Variants in ENDOV observed in about 807,000 individuals in gnomAD.
ENDOV encodes the protein endonuclease V.
A neutral mutation model predicts 39.4 loss-of-function variants in ENDOV; 37 were observed. That is an observed-to-expected ratio of 0.94 (90% confidence interval 0.72 to 1.23). The LOEUF is 1.23. ENDOV is among the 50% of genes most tolerant of loss of function. The pLI is 0.00. For synonymous variants in ENDOV, 186 were observed against 163.4 expected, an observed-to-expected ratio of 1.14 and a Z score of -1.05; for missense variants, 441 against 375.7, an observed-to-expected ratio of 1.17 and a Z score of -1.44.
Position 80,433,017 on chromosome 17 carries a change from C to A in ENDOV, c.839-3116C>A, listed in dbSNP as rs8069510. On this transcript the variant is annotated intron_variant, in intron 9 of 9. Coordinates refer to ENST00000518137, the MANE Select transcript of ENDOV (RefSeq NM_173627.5). ...AGTAGGACCCTTGGGAGGCTCAGCA[C>A]CCCCTGCCCCAAACAAATGCCTCTC... 4,249 of 453,194 alleles carry A rather than the reference C, an allele frequency of 9.4e-3. 160 individuals are homozygous for A. The highest frequency in any genetic ancestry group is 0.078 in the African/African-American group (3,936 of 50,500). 28.1% of individuals were successfully genotyped at this position (453,194 alleles called of 1,614,324 possible).
intron 8 of ENDOV, 92 bp from the exon 9 acceptor site, chr17:80,429,681 C>G (rs1349050328): frequency 1.6e-6 from 2 of 1,275,120 alleles, no homozygotes; most frequent in East Asian, 2.3e-5. Context: ...GTGTCCAGGC[C>G]AAGCGCAGTT....
At chr17:80,418,823 T>G (rs762602960) in intron 2 of ENDOV, 5 of 152,150 alleles carry the variant, frequency 3.3e-5, no homozygotes, top group Admixed American at 6.5e-5. Context: ...TCGCATTATA[T>G]GTTTTAAACA....
At position 80,415,299 on chromosome 17, in the gene ENDOV, C is replaced by A. The variant is rs771344811; in HGVS notation, c.56+49C>A. 87 of 1,599,366 alleles carry A rather than the reference C, an allele frequency of 5.4e-5. No homozygotes were observed. The African/African-American group carries it at 1.1e-3, about 20-fold the overall frequency. ...GGAGGCGGGGGCCGAGGCCGGGCGGCCCTTCGCGGACCCTCCGAGCTCATA... is the reference window on the plus strand; with the variant it reads ...GGAGGCGGGGGCCGAGGCCGGGCGGACCTTCGCGGACCCTCCGAGCTCATA... On this transcript the variant is annotated intron_variant, in intron 1 of 9. Transcript: ENST00000518137.
chr17:80,435,660 G>C (rs893883278), intron 9 of ENDOV, among the ~76,000 whole-genome samples: 11 of 152,094 alleles, frequency 7.2e-5, no homozygotes, highest in Admixed American at 3.3e-4. Context: ...TGTCGCCCAG[G>C]CTGGTGTGCG....
At chr17:80,425,829 A>C (rs1339760509) in intron 7 of ENDOV, among the ~76,000 whole-genome samples, 3 of 152,082 alleles carry the variant, frequency 2.0e-5, no homozygotes, top group Non-Finnish European at 4.4e-5. Context: ...CAGGGCTCCC[A>C]AGAGTTCATC....
chr17:80,422,374 TTCTC>T, intron 4 of ENDOV, 129 bp downstream of exon 4: 1 of 1,135,574 alleles, frequency 8.8e-7, no homozygotes, highest in Non-Finnish European at 1.3e-6. Context: ...AATGGCTTCT[TTCTC>T]GGCGCAACGG....
chr17:80,424,594 C>G (rs1473163626), intron 5 of ENDOV, among the ~76,000 whole-genome samples: 1 of 152,102 alleles, frequency 6.6e-6, no homozygotes, highest in Non-Finnish European at 1.5e-5. Context: ...GTGGCTTTGC[C>G]TGGGCTGTGG....
intron 9 of ENDOV, chr17:80,433,266 G>C (rs1262908590): frequency 1.9e-6 from 1 of 517,724 alleles, no homozygotes; most frequent in South Asian, 1.4e-5. Context: ...TGTGGTGGGG[G>C]ATATTCCACC....
chr17:80,425,334 G>T, intron 6 of ENDOV, 158 bp from the exon 7 acceptor site: 1 of 1,137,404 alleles, frequency 8.8e-7, no homozygotes, highest in Non-Finnish European at 1.2e-6. Flanking sequence ...GCAGGAAGGC[G>T]CCCTGAGGGT....
chr17:80,427,657 C>A, intron 7 of ENDOV: 1 of 1,239,848 alleles, frequency 8.1e-7, no homozygotes. Context: ...AGCTCACTCA[C>A]CTCTCAACAG....
Position 80,425,620 on chromosome 17 carries a change from G to C in ENDOV, c.714G>C (p.Gln238His). ...CRFRIPEPVR[Q>H]ADICSREHIR... ...TCCGGATCCCAGAGCCCGTGCGCCA[G>C]GTGGGTGTGCTGGGGATGCGGGGAG... is the stretch of plus-strand genomic sequence containing the variant. The change falls in exon 7 of 10, where the codon CAG (glutamine) becomes CAC (histidine). Residue 238 changes from glutamine (Q) to histidine (H), a missense_variant and splice_region_variant. Physicochemically the swap from Gln to His is conservative, Grantham distance 24. Transcript: ENST00000518137. The C allele has an allele frequency of 6.3e-7, 1 of 1,580,506 alleles. No homozygotes were observed. The highest frequency in any genetic ancestry group is 8.5e-7 in the Non-Finnish European group (1 of 1,169,974).
chr17:80,421,803 C>T (rs368874162), intron 2 of ENDOV, 25 bp from the exon 3 acceptor site: 1 of 1,580,842 alleles, frequency 6.3e-7, no homozygotes, highest in Non-Finnish European at 8.6e-7. Flanking sequence ...CTGTGCTTCC[C>T]ACTGAGCTGC....
At chr17:80,418,027 G>C (rs1338493174) in intron 2 of ENDOV, 1 of 152,122 alleles carries the variant, frequency 6.6e-6, no homozygotes, top group Non-Finnish European at 1.5e-5. Flanking sequence ...AAAATGTACT[G>C]AGTGCCTACT....
intron 4 of ENDOV, among the ~76,000 whole-genome samples, 180 bp from the exon 5 acceptor site, chr17:80,423,340 C>T (rs192143132): frequency 5.9e-5 from 9 of 152,264 alleles, no homozygotes; most frequent in Admixed American, 4.6e-4. Flanking sequence ...CCCAGGACAT[C>T]GGGCACAGGG....
intron 5 of ENDOV, among the ~76,000 whole-genome samples, chr17:80,424,604 GC>G (rs2082457732): frequency 6.6e-6 from 1 of 152,198 alleles, no homozygotes. Context: ...CTGGGCTGTG[GC>G]TCACCTCCAA....
chr17:80,424,024 A>G (rs2144981845), intron 5 of ENDOV: 1 of 235,054 alleles, frequency 4.3e-6, no homozygotes, highest in Non-Finnish European at 7.6e-6. Flanking sequence ...CTCAGGTACC[A>G]CAGCCTCCAG....
Position 80,429,767 on chromosome 17 carries a change from C to T in ENDOV, c.780-6C>T. Reference sequence around the variant, plus strand: ...GATGCTGTCCCTTTCTCAATGTCATCACCAGGAGCCCGAAGGCGCAGAGGC... The same window carrying T: ...GATGCTGTCCCTTTCTCAATGTCATTACCAGGAGCCCGAAGGCGCAGAGGC... On this transcript the variant is annotated splice_polypyrimidine_tract_variant and splice_region_variant and intron_variant, in intron 8 of 9. Coordinates refer to ENST00000518137, the MANE Select transcript of ENDOV (RefSeq NM_173627.5). The T allele has an allele frequency of 1.3e-6, 2 of 1,597,114 alleles. No individual in the cohort carries two copies. The highest frequency in any genetic ancestry group is 1.7e-6 in the Non-Finnish European group (2 of 1,174,466).
intron 2 of ENDOV, among the ~76,000 whole-genome samples, chr17:80,420,970 C>A (rs41298694): frequency 0.013 from 2,020 of 152,042 alleles, 51 homozygotes; most frequent in African/African-American, 0.046. Context: ...GCCACCACGC[C>A]TGGCCAACAC....
chr17:80,425,133 C>T (rs1270064470), intron 6 of ENDOV, 33 bp downstream of exon 6: 1 of 1,573,856 alleles, frequency 6.4e-7, no homozygotes, highest in Admixed American at 1.8e-5. Flanking sequence ...TCCTCCAAAG[C>T]CCCGGGGTAG....
Sources: allele counts gnomAD v4.1 joint callset (sites outside exome capture counted in the v4.1 genomes callset), GRCh38; gene constraint gnomAD v4.1.1; transcripts MANE v1.5; gene names NCBI Gene and HGNC (gene_info 2026-07-23, HGNC 2026-07-21).